EEA1: variants seen among roughly 807,000 people sequenced by gnomAD.
EEA1 encodes early endosome antigen 1, 162kD.
EEA1 carries 111 observed loss-of-function variants against 209.2 expected under a neutral mutation model. The ratio of observed to expected loss-of-function variants is 0.53; its 90% CI spans 0.45 to 0.62. The LOEUF (loss-of-function observed/expected upper bound fraction) is 0.62. EEA1 is among the 20% of genes least tolerant of loss of function. The pLI is 0.00. For missense variants in EEA1, 1,343 were observed against 1,530.8 expected (o/e 0.88, Z 2.05); for synonymous variants, 536 against 540.6 (o/e 0.99, Z 0.12).
intron 1 of EEA1, among the ~76,000 whole-genome samples, chr12:92,921,759 G>GA (rs751838383): frequency 0.024 from 1,814 of 76,714 alleles, 35 homozygotes; most frequent in East Asian, 0.074. Flanking sequence ...TAAAAAAAAA[G>GA]AAAAAAAAAA....
intron 9 of EEA1, 26 bp downstream of exon 9, chr12:92,851,085 C>T (rs768907143): frequency 1.9e-6 from 3 of 1,609,652 alleles, no homozygotes; most frequent in African/African-American, 1.3e-5. Context: ...ATATGAATCA[C>T]ATTTAAGTAC....
rs758760167 is a variant in EEA1, at chr12:92,778,051, T to C, written c.3783A>G (p.Gln1261=). Residue 1261 remains glutamine, a synonymous_variant, in exon 26 of 29, where the codon CAA becomes CAG. Transcript: ENST00000322349. The stretch of plus-strand genomic sequence containing the variant: ...GTTTCTCAAGCTCACTAACTCTCCG[T>C]TGACTAGATTGCCACTCCTTCTTCA... The part of the protein sequence containing the change: ...GTVKKEWQSS[Q]RRVSELEKQT... 49 of 1,613,434 alleles carry C rather than the reference T, an allele frequency of 3.0e-5. No homozygotes were observed. The highest frequency in any genetic ancestry group is 3.7e-5 in the Non-Finnish European group (44 of 1,179,584).
At chr12:92,820,125 A>G (rs766244316) in intron 13 of EEA1, among the ~76,000 whole-genome samples, 1 of 152,178 alleles carries the variant, frequency 6.6e-6, no homozygotes, top group Non-Finnish European at 1.5e-5. Flanking sequence ...TACTCTAAAA[A>G]GGATTTTTGT....
At chr12:92,841,359 C>T (rs1877154777) in intron 10 of EEA1, among the ~76,000 whole-genome samples, 1 of 152,012 alleles carries the variant, frequency 6.6e-6, no homozygotes, top group African/African-American at 2.4e-5. Flanking sequence ...AATTAGAAAA[C>T]TCTTATAAGA....
At chr12:92,874,213 T>C (rs139759906) in intron 2 of EEA1, among the ~76,000 whole-genome samples, 76 of 151,748 alleles carry the variant, frequency 5.0e-4, no homozygotes, top group African/African-American at 1.6e-3. Context: ...CCCAGGTACT[T>C]AGGAGGTTGA....
chr12:92,796,180 T>C (rs1214093080), intron 21 of EEA1, among the ~76,000 whole-genome samples: 1 of 152,140 alleles, frequency 6.6e-6, no homozygotes, highest in African/African-American at 2.4e-5. Flanking sequence ...CATTAAATTA[T>C]AAGCTGCTTG....
chr12:92,855,742 T>C (rs931143303), intron 5 of EEA1, among the ~76,000 whole-genome samples: 4 of 152,168 alleles, frequency 2.6e-5, no homozygotes, highest in African/African-American at 9.7e-5. Context: ...TAAAATATAT[T>C]TTCCCCAAAA....
At chr12:92,899,680 T>C (rs1880070324) in intron 1 of EEA1, among the ~76,000 whole-genome samples, 1 of 152,244 alleles carries the variant, frequency 6.6e-6, no homozygotes, top group Non-Finnish European at 1.5e-5. Context: ...TAATCTGGTC[T>C]CTTCACTTTG....
intron 1 of EEA1, among the ~76,000 whole-genome samples, chr12:92,899,089 A>C (rs1199747358): frequency 6.6e-6 from 1 of 151,098 alleles, no homozygotes; most frequent in African/African-American, 2.4e-5. Context: ...TCAATAAAGT[A>C]CTAAAGATGA....
At chr12:92,806,346 G>A (rs1875205410) in intron 18 of EEA1, among the ~76,000 whole-genome samples, 1 of 152,064 alleles carries the variant, frequency 6.6e-6, no homozygotes, top group Non-Finnish European at 1.5e-5. Flanking sequence ...CCTTAAAAGT[G>A]TAATATTATG....
At chr12:92,877,258 T>C (rs1270135509) in intron 2 of EEA1, among the ~76,000 whole-genome samples, 3 of 151,830 alleles carry the variant, frequency 2.0e-5, no homozygotes, top group Non-Finnish European at 4.4e-5. Flanking sequence ...ATTTCAGGCA[T>C]GAGCCACCAT....
intron 21 of EEA1, among the ~76,000 whole-genome samples, chr12:92,788,723 T>C (rs1213734399): frequency 1.3e-5 from 2 of 152,184 alleles, no homozygotes; most frequent in African/African-American, 4.8e-5. Context: ...CATTAGTGAC[T>C]GCCATGTTCC....
chr12:92,866,177 G>C (rs1412370492), intron 2 of EEA1, among the ~76,000 whole-genome samples: 1 of 110,176 alleles, frequency 9.1e-6, no homozygotes, highest in East Asian at 2.8e-4. Flanking sequence ...GGGTGACAGA[G>C]CAAGACTCCT....
chr12:92,835,887 C>A lies in EEA1; in HGVS notation c.916-3037G>T, dbSNP rs1592728352. Among the ~76,000 whole-genome samples, 4 of 152,170 alleles carry A rather than the reference C, an allele frequency of 2.6e-5. No homozygotes were observed. In the South Asian group the frequency reaches 6.2e-4, roughly 24 times the overall value. On this transcript the variant is annotated intron_variant, in intron 10 of 28. Coordinates refer to ENST00000322349, the MANE Select transcript of EEA1 (RefSeq NM_003566.4). ...TTCTTTCTTTTTAAAAGAATCTAAT[C>A]CACTCACACTTTGTAATTTTTACAG... is the stretch of plus-strand genomic sequence containing the variant.
intron 1 of EEA1, among the ~76,000 whole-genome samples, chr12:92,911,312 A>G (rs2136776968): frequency 6.6e-6 from 1 of 152,378 alleles, no homozygotes; most frequent in Admixed American, 6.5e-5. Flanking sequence ...GAAATGAGCT[A>G]TTAAGCCATG....
intron 1 of EEA1, among the ~76,000 whole-genome samples, chr12:92,892,334 T>C (rs183289391): frequency 1.1e-4 from 17 of 152,196 alleles, no homozygotes; most frequent in Non-Finnish European, 2.5e-4. Context: ...TCAAACGATC[T>C]GCCCACCTCC....
intron 1 of EEA1, among the ~76,000 whole-genome samples, chr12:92,925,502 A>G (rs1326923442): frequency 6.6e-6 from 1 of 152,256 alleles, no homozygotes; most frequent in East Asian, 1.9e-4. Flanking sequence ...GGCATGAGCC[A>G]CTAAGCCAGC....
chr12:92,853,216 A>G (rs1471362342), intron 6 of EEA1, among the ~76,000 whole-genome samples, 191 bp from the exon 7 acceptor site: 1 of 152,252 alleles, frequency 6.6e-6, no homozygotes, highest in Non-Finnish European at 1.5e-5. Context: ...TTACAAACAT[A>G]CACTACAAAT....
intron 15 of EEA1, among the ~76,000 whole-genome samples, chr12:92,813,642 C>T (rs907953021): frequency 3.3e-5 from 5 of 152,096 alleles, no homozygotes; most frequent in African/African-American, 1.2e-4. Flanking sequence ...ATCAAACAAG[C>T]AAAAAGATCT....
Sources: allele counts gnomAD v4.1 joint callset (sites outside exome capture counted in the v4.1 genomes callset), GRCh38; gene constraint gnomAD v4.1.1; transcripts MANE v1.5; gene names NCBI Gene and HGNC (gene_info 2026-07-23, HGNC 2026-07-21).